The following FILIP1 variants were observed in gnomAD, a reference collection of about 807,000 sequenced individuals.
FILIP1 encodes the protein filamin A interacting protein 1, also known as filamin-A-interacting protein 1.
Under a neutral mutation model 102.1 loss-of-function variants are expected in FILIP1, and 61 were observed. The ratio of observed to expected loss-of-function variants is 0.60; its 90% confidence interval spans 0.49 to 0.74. FILIP1 has a LOEUF of 0.74. FILIP1 is among the 30% of genes least tolerant of loss of function. The pLI, the probability that FILIP1 is intolerant of heterozygous loss-of-function variation, is 0.00. For missense variants in FILIP1, 1,314 were observed against 1,441.2 expected, an observed-to-expected ratio of 0.91 and a Z score of 1.43; for synonymous variants, 491 against 526.9, an observed-to-expected ratio of 0.93 and a Z score of 0.93.
chr6:75,340,992 C>T (rs180712286), intron 4 of FILIP1, among the ~76,000 whole-genome samples: 21 of 151,474 alleles, frequency 1.4e-4, no homozygotes, highest in African/African-American at 4.4e-4. Flanking sequence ...GCATGAGCCA[C>T]CGTGCCTGCC....
At chr6:75,443,360 A>C (rs1356403098) in intron 1 of FILIP1, among the ~76,000 whole-genome samples, 1 of 152,218 alleles carries the variant, frequency 6.6e-6, no homozygotes, top group Non-Finnish European at 1.5e-5. Context: ...TCAAGGAAAT[A>C]AACAATTTTA....
chr6:75,377,706 G>A (rs1420165047), intron 2 of FILIP1, among the ~76,000 whole-genome samples: 8 of 152,208 alleles, frequency 5.3e-5, no homozygotes, highest in African/African-American at 1.9e-4. Flanking sequence ...TGAATGGTGT[G>A]TATGTGTGGA....
chr6:75,348,060 T>TACAC (rs1320631156), intron 4 of FILIP1, among the ~76,000 whole-genome samples: 1 of 54,702 alleles, frequency 1.8e-5, no homozygotes, highest in South Asian at 6.1e-4. Context: ...CCACATCAGT[T>TACAC]ATACACACAC....
chr6:75,479,897 T>C (rs1161312869), intron 1 of FILIP1, among the ~76,000 whole-genome samples: 1 of 75,844 alleles, frequency 1.3e-5, no homozygotes, highest in African/African-American at 5.4e-5. Context: ...AAAAAAAAAG[T>C]CTTATATTAA....
chr6:75,441,360 G>GAA (rs761512999), intron 1 of FILIP1, among the ~76,000 whole-genome samples: 47 of 152,294 alleles, frequency 3.1e-4, no homozygotes, highest in Middle Eastern at 3.4e-3. Flanking sequence ...AGAACAAAAT[G>GAA]AAGTCTCCCA....
chr6:75,426,355 C>T (rs949998604), intron 1 of FILIP1, among the ~76,000 whole-genome samples: 3 of 152,058 alleles, frequency 2.0e-5, no homozygotes, highest in Non-Finnish European at 4.4e-5. Context: ...TGGAAGAACC[C>T]GACATTCTGT....
intron 1 of FILIP1, among the ~76,000 whole-genome samples, chr6:75,444,321 T>C (rs904556721): frequency 6.6e-6 from 1 of 152,220 alleles, no homozygotes; most frequent in Non-Finnish European, 1.5e-5. Flanking sequence ...AATATTTGAT[T>C]CGTAGTAAGT....
At position 75,335,297 on chromosome 6, in the gene FILIP1, G is replaced by A. The variant is rs191922023; in HGVS notation, c.629+18242C>T. On this transcript the variant is annotated intron_variant, in intron 4 of 5. Transcript: ENST00000237172. ...TCATCTTTACAAAATATTTTTACTT[G>A]AATTTTTTTCCCTAAGTGTTTTTAA... Among the ~76,000 whole-genome samples the A allele has an allele frequency of 5.9e-5, 9 of 152,150 alleles. No individual in the cohort carries two copies. In the East Asian group the frequency reaches 1.7e-3, roughly 29 times the overall value.
intron 3 of FILIP1, chr6:75,360,727 C>A (rs1775148285): frequency 6.6e-6 from 1 of 152,144 alleles, no homozygotes; most frequent in Non-Finnish European, 1.5e-5. Context: ...CTGGTGAGTT[C>A]TATTGGATAC....
intron 1 of FILIP1, among the ~76,000 whole-genome samples, chr6:75,434,720 C>T (rs200568119): frequency 3.3e-4 from 50 of 152,190 alleles, no homozygotes; most frequent in Admixed American, 8.5e-4. Context: ...ATTTCCAACA[C>T]TATGTTGAAT....
intron 1 of FILIP1, among the ~76,000 whole-genome samples, chr6:75,452,870 T>TA (rs1329070143): frequency 6.6e-6 from 1 of 152,242 alleles, no homozygotes; most frequent in East Asian, 1.9e-4. Context: ...AATTTGTTTT[T>TA]AAAAAGTAAG....
chr6:75,441,511 G>A (rs1241803276), intron 1 of FILIP1, among the ~76,000 whole-genome samples: 1 of 152,116 alleles, frequency 6.6e-6, no homozygotes, highest in African/African-American at 2.4e-5. Context: ...CTCCCAGACG[G>A]GGTGGTGGCC....
intron 1 of FILIP1, 115 bp downstream of exon 1, chr6:75,493,299 C>T (rs1780019614): frequency 6.6e-6 from 1 of 152,202 alleles, no homozygotes; most frequent in Non-Finnish European, 1.5e-5. Context: ...TGTGTTATCA[C>T]ATCATAGAAC....
chr6:75,460,683 CT>C (rs1778995800), intron 1 of FILIP1, among the ~76,000 whole-genome samples: 1 of 152,146 alleles, frequency 6.6e-6, no homozygotes, highest in Non-Finnish European at 1.5e-5. Flanking sequence ...AATTTAGCCT[CT>C]ATTTCTGAGA....
At chr6:75,488,902 T>C (rs567119517) in intron 1 of FILIP1, among the ~76,000 whole-genome samples, 1 of 152,292 alleles carries the variant, frequency 6.6e-6, no homozygotes, top group East Asian at 1.9e-4. Flanking sequence ...TTAAGAAGAA[T>C]GAATAGGATT....
chr6:75,335,626 T>C (rs1774218157), intron 4 of FILIP1, among the ~76,000 whole-genome samples: 1 of 152,140 alleles, frequency 6.6e-6, no homozygotes, highest in Admixed American at 6.6e-5. Context: ...TTCTAAGCCA[T>C]ATGCATAGAA....
chr6:75,442,313 A>G (rs1264006871), intron 1 of FILIP1, among the ~76,000 whole-genome samples: 12 of 138,374 alleles, frequency 8.7e-5, no homozygotes, highest in South Asian at 4.9e-4. Flanking sequence ...CAGACGATGG[A>G]TGGCCAGGCA....
At chr6:75,417,183 C>T (rs990298242) in intron 1 of FILIP1, among the ~76,000 whole-genome samples, 1 of 152,010 alleles carries the variant, frequency 6.6e-6, no homozygotes, top group African/African-American at 2.4e-5. Context: ...TGTGGTAGAC[C>T]CATGAGGTTA....
At chr6:75,404,041 G>T (rs1776749454) in intron 2 of FILIP1, among the ~76,000 whole-genome samples, 1 of 152,034 alleles carries the variant, frequency 6.6e-6, no homozygotes, top group Non-Finnish European at 1.5e-5. Flanking sequence ...AATTCCAATT[G>T]CTTTCACTTC....
Sources: gnomAD v4.1 joint callset for allele counts (sites outside exome capture counted in the v4.1 genomes callset) on GRCh38, gnomAD v4.1.1 for gene constraint, MANE v1.5 for transcripts, NCBI Gene and HGNC (gene_info 2026-07-23, HGNC 2026-07-21) for gene names.